Variants in OTUD7A observed in about 807,000 individuals in gnomAD.
OTUD7A encodes OTU deubiquitinase 7A, also known as OTU domain-containing protein 7A.
In OTUD7A, 12 loss-of-function variants were observed where a neutral mutation model predicts 65.7. The observed-to-expected ratio is 0.18, with a 90% confidence interval of 0.12 to 0.30. The LOEUF (loss-of-function observed/expected upper bound fraction) is 0.30. Ranked by LOEUF, OTUD7A falls within the 10% of genes least tolerant of loss-of-function variation. The pLI, the probability that OTUD7A is intolerant of heterozygous loss-of-function variation, is 1.00. For synonymous variants in OTUD7A, 641 were observed against 586.3 expected (o/e 1.09, Z -1.35); for missense variants, 1,148 against 1,304.8 (o/e 0.88, Z 1.85).
intron 8 of OTUD7A, among the ~76,000 whole-genome samples, chr15:31,507,185 A>T (rs1490636783): frequency 2.0e-5 from 3 of 152,208 alleles, no homozygotes; most frequent in Non-Finnish European, 4.4e-5. Context: ...TGTGTATTTT[A>T]AAAATATTTA....
intron 1 of OTUD7A, among the ~76,000 whole-genome samples, chr15:31,728,542 C>T (rs937832967): frequency 3.9e-5 from 6 of 152,206 alleles, no homozygotes; most frequent in South Asian, 2.1e-4. Context: ...CACCTCTCTA[C>T]GCATGACCTT....
At chr15:31,854,163 C>T (rs1420878766) in intron 1 of OTUD7A, among the ~76,000 whole-genome samples, 2 of 152,162 alleles carry the variant, frequency 1.3e-5, no homozygotes, top group African/African-American at 4.8e-5. Flanking sequence ...GGAGGATCTG[C>T]TCCTTGTCTT....
intron 3 of OTUD7A, among the ~76,000 whole-genome samples, chr15:31,646,232 C>G (rs1199095680): frequency 4.6e-5 from 7 of 152,012 alleles, no homozygotes; most frequent in Non-Finnish European, 7.4e-5. Context: ...CATGGAATTC[C>G]TGGACCTCAG....
At chr15:31,870,405 G>A (rs1200988131) in intron 1 of OTUD7A, 102 bp downstream of exon 1, 1 of 146,584 alleles carries the variant, frequency 6.8e-6, no homozygotes, top group African/African-American at 2.5e-5. Context: ...ACGGAGCTCG[G>A]GAAGGAGACG....
chr15:31,585,434 A>G (rs1889502055), intron 3 of OTUD7A, among the ~76,000 whole-genome samples: 1 of 152,254 alleles, frequency 6.6e-6, no homozygotes, highest in Non-Finnish European at 1.5e-5. Context: ...TCAGCAGCCC[A>G]GATGGTGACA....
chr15:31,697,305 G>T (rs954466677), intron 1 of OTUD7A, among the ~76,000 whole-genome samples: 1 of 136,486 alleles, frequency 7.3e-6, no homozygotes, highest in African/African-American at 2.7e-5. Flanking sequence ...CTCCTTGGCT[G>T]CCCTTTATGA....
intron 8 of OTUD7A, among the ~76,000 whole-genome samples, chr15:31,520,342 T>C (rs1041580799): frequency 1.3e-5 from 2 of 151,766 alleles, no homozygotes; most frequent in Admixed American, 1.3e-4. Context: ...CACATACTTA[T>C]AACCAACTGA....
At chr15:31,750,155 C>A (rs947385419) in intron 1 of OTUD7A, among the ~76,000 whole-genome samples, 2 of 152,112 alleles carry the variant, frequency 1.3e-5, no homozygotes, top group African/African-American at 2.4e-5. Context: ...CGCCTGTAAT[C>A]CCAGCACTTT....
chr15:31,608,023 C>T (rs1017283300), intron 3 of OTUD7A, among the ~76,000 whole-genome samples: 2 of 152,006 alleles, frequency 1.3e-5, no homozygotes, highest in African/African-American at 2.4e-5. Context: ...CTGAGGCAGG[C>T]GGATCATGAG....
chr15:31,581,255 G>A (rs1054856516), intron 3 of OTUD7A, among the ~76,000 whole-genome samples: 13 of 152,244 alleles, frequency 8.5e-5, no homozygotes, highest in Admixed American at 7.2e-4. Context: ...GCTTTGCAGG[G>A]TACAGCCCTC....
At chr15:31,838,663 C>T (rs1897112432) in intron 1 of OTUD7A, among the ~76,000 whole-genome samples, 1 of 151,368 alleles carries the variant, frequency 6.6e-6, no homozygotes, top group Admixed American at 6.6e-5. Flanking sequence ...AAAGACCCCC[C>T]CCCACTACTC....
intron 3 of OTUD7A, among the ~76,000 whole-genome samples, chr15:31,617,600 T>C (rs547775575): frequency 4.9e-4 from 75 of 152,282 alleles, no homozygotes; most frequent in African/African-American, 1.8e-3. Context: ...CATGATTCCA[T>C]GTATACAAAG....
chr15:31,746,367 T>C (rs1195738852), intron 1 of OTUD7A, among the ~76,000 whole-genome samples: 1 of 152,180 alleles, frequency 6.6e-6, no homozygotes, highest in Non-Finnish European at 1.5e-5. Flanking sequence ...CACACACATA[T>C]GTATACATAT....
Position 31,723,466 on chromosome 15 carries a change from G to C in OTUD7A, c.-99-66389C>G, listed in dbSNP as rs1420793920. 1.0e-4 allele frequency among the ~76,000 whole-genome samples: 14 copies of C among 139,302 alleles called. No individual in the cohort carries two copies. The Admixed American group carries it at 1.0e-3, about 10-fold the overall frequency. The allele number at this position is 139,302 out of a possible 152,430, so 91.4% of individuals were successfully genotyped here. On this transcript the variant is annotated intron_variant, in intron 1 of 12. Transcript: ENST00000307050. Reference sequence around the variant, plus strand: ...ATCTCGGAGGCCAGCCTTGCCGAGAGAAAGAAACGCAAGTCATACATCCTT... The same window carrying C: ...ATCTCGGAGGCCAGCCTTGCCGAGACAAAGAAACGCAAGTCATACATCCTT...
chr15:31,720,645 C>T (rs894589966), intron 1 of OTUD7A, among the ~76,000 whole-genome samples: 1 of 152,214 alleles, frequency 6.6e-6, no homozygotes, highest in Non-Finnish European at 1.5e-5. Flanking sequence ...CCTGATCTGC[C>T]CGCCTCAGCC....
intron 1 of OTUD7A, among the ~76,000 whole-genome samples, chr15:31,845,704 T>G (rs1897279629): frequency 6.6e-6 from 1 of 152,216 alleles, no homozygotes; most frequent in African/African-American, 2.4e-5. Context: ...CAATGCCATC[T>G]TCCACCCTGT....
intron 3 of OTUD7A, among the ~76,000 whole-genome samples, chr15:31,579,957 G>C (rs184320108): frequency 6.6e-6 from 1 of 152,320 alleles, no homozygotes; most frequent in East Asian, 1.9e-4. Context: ...CAATGGCAGT[G>C]AAAACTATGT....
At chr15:31,572,723 CAG>C (rs1178621985) in intron 3 of OTUD7A, among the ~76,000 whole-genome samples, 3 of 151,902 alleles carry the variant, frequency 2.0e-5, no homozygotes, top group African/African-American at 7.3e-5. Flanking sequence ...TGACTAAACT[CAG>C]GGGAAAAAGG....
At chr15:31,675,186 G>C (rs1053624067) in intron 1 of OTUD7A, among the ~76,000 whole-genome samples, 8 of 152,076 alleles carry the variant, frequency 5.3e-5, no homozygotes, top group African/African-American at 1.9e-4. Context: ...CCATAACACA[G>C]AAAAAGACAT....
Sources: gnomAD v4.1 joint callset for allele counts (sites outside exome capture counted in the v4.1 genomes callset) on GRCh38, gnomAD v4.1.1 for gene constraint, MANE v1.5 for transcripts, NCBI Gene and HGNC (gene_info 2026-07-23, HGNC 2026-07-21) for gene names.